Variants in ERC2 observed in about 807,000 individuals in gnomAD.
ERC2 encodes ELKS/RAB6-interacting/CAST family member 2, also known as ERC protein 2.
A neutral mutation model predicts 114.8 loss-of-function variants in ERC2; 42 were observed. The ratio of observed to expected loss-of-function variants is 0.37; its 90% CI spans 0.29 to 0.47. ERC2 has a LOEUF of 0.47. ERC2 is among the 20% of genes least tolerant of loss of function. The pLI is 0.99. For synonymous variants in ERC2, 454 were observed against 425.5 expected (o/e 1.07, Z -0.82); for missense variants, 939 against 1,150.7 (o/e 0.82, Z 2.66).
chr3:55,673,376 A>G (rs1242110318), intron 17 of ERC2, among the ~76,000 whole-genome samples: 1 of 152,156 alleles, frequency 6.6e-6, no homozygotes, highest in Non-Finnish European at 1.5e-5. Flanking sequence ...CGAGGTCGAG[A>G]GATTGAGACC....
At chr3:56,440,550 A>C (rs1272791062) in intron 1 of ERC2, among the ~76,000 whole-genome samples, 1 of 148,808 alleles carries the variant, frequency 6.7e-6, no homozygotes, top group Admixed American at 6.7e-5. Context: ...TCTGTCTCAA[A>C]AAAAAAAAAA....
intron 5 of ERC2, among the ~76,000 whole-genome samples, chr3:56,148,138 A>G (rs377556084): frequency 5.6e-4 from 86 of 152,320 alleles, no homozygotes; most frequent in African/African-American, 1.9e-3. Context: ...GAATCATCAG[A>G]CCAACCCAAT....
chr3:56,123,454 A>G (rs942428390), intron 6 of ERC2, among the ~76,000 whole-genome samples: 1 of 152,160 alleles, frequency 6.6e-6, no homozygotes, highest in Non-Finnish European at 1.5e-5. Context: ...AGGAAAAAAA[A>G]AAATTCTTGC....
chr3:56,144,561 G>C (rs1363141049), intron 5 of ERC2, among the ~76,000 whole-genome samples: 2 of 152,198 alleles, frequency 1.3e-5, no homozygotes, highest in Admixed American at 1.3e-4. Flanking sequence ...TACCACAGTA[G>C]AAAGCCAGTG....
chr3:56,313,590 C>T (rs972847314), intron 2 of ERC2, among the ~76,000 whole-genome samples: 2 of 152,158 alleles, frequency 1.3e-5, no homozygotes, highest in Non-Finnish European at 1.5e-5. Context: ...ATCAAAGCAG[C>T]AACTGTGAAA....
At chr3:55,634,306 C>T (rs1196170895) in intron 17 of ERC2, among the ~76,000 whole-genome samples, 1 of 152,180 alleles carries the variant, frequency 6.6e-6, no homozygotes, top group East Asian at 1.9e-4. Context: ...CACAGACTGC[C>T]TTGAAGCTAC....
intron 14 of ERC2, among the ~76,000 whole-genome samples, chr3:55,882,662 T>G (rs924324241): frequency 6.6e-6 from 1 of 152,222 alleles, no homozygotes; most frequent in East Asian, 1.9e-4. Flanking sequence ...GGAGATGATT[T>G]AAAGCATACA....
intron 9 of ERC2, among the ~76,000 whole-genome samples, chr3:56,009,937 T>C (rs1170150229): frequency 1.3e-5 from 2 of 152,224 alleles, no homozygotes; most frequent in Non-Finnish European, 2.9e-5. Context: ...AAAAATAATA[T>C]GCCAGAAGAG....
intron 14 of ERC2, among the ~76,000 whole-genome samples, chr3:55,879,396 G>GA (rs1433156878): frequency 6.6e-6 from 1 of 152,110 alleles, no homozygotes; most frequent in East Asian, 1.9e-4. Flanking sequence ...GAGGCAGCAT[G>GA]AATCAAGCCC....
intron 15 of ERC2, among the ~76,000 whole-genome samples, chr3:55,724,707 G>C (rs1357582600): frequency 6.6e-6 from 1 of 152,144 alleles, no homozygotes; most frequent in Non-Finnish European, 1.5e-5. Flanking sequence ...TGAAAAGCAA[G>C]GTCTCTGCAC....
chr3:55,600,738 A>G (rs959011625), intron 17 of ERC2, among the ~76,000 whole-genome samples: 2 of 152,174 alleles, frequency 1.3e-5, no homozygotes, highest in Non-Finnish European at 2.9e-5. Context: ...AGAGCAGGGG[A>G]GCTCTGCACA....
chr3:55,522,474 T>C (rs1262681819), intron 17 of ERC2, among the ~76,000 whole-genome samples: 1 of 145,442 alleles, frequency 6.9e-6, no homozygotes, highest in Non-Finnish European at 1.5e-5. Context: ...CTTCCTTCCT[T>C]TCTCCTTTCC....
chr3:55,974,186 G>A (rs1366167329), intron 12 of ERC2, among the ~76,000 whole-genome samples: 1 of 152,218 alleles, frequency 6.6e-6, no homozygotes, highest in Non-Finnish European at 1.5e-5. Context: ...GGAGGAAGAT[G>A]CTACATCTTG....
At chr3:55,911,689 G>C (rs2149364523) in intron 13 of ERC2, among the ~76,000 whole-genome samples, 1 of 152,314 alleles carries the variant, frequency 6.6e-6, no homozygotes, top group Non-Finnish European at 1.5e-5. Flanking sequence ...GTTCTCATAT[G>C]TTAGAGGGAA....
At chr3:55,543,415 G>C (rs1314669244) in intron 17 of ERC2, among the ~76,000 whole-genome samples, 1 of 152,166 alleles carries the variant, frequency 6.6e-6, no homozygotes, top group Non-Finnish European at 1.5e-5. Flanking sequence ...CCCACGTGGG[G>C]GATGTTCTCA....
At chr3:55,533,487 C>T (rs1322946234) in intron 17 of ERC2, among the ~76,000 whole-genome samples, 1 of 152,244 alleles carries the variant, frequency 6.6e-6, no homozygotes, top group Admixed American at 6.5e-5. Flanking sequence ...TCCACACTAC[C>T]TCCCTGTAAG....
intron 3 of ERC2, among the ~76,000 whole-genome samples, chr3:56,204,517 T>TTTTATTTTATTTTAC (rs2048596689): frequency 6.6e-6 from 1 of 151,602 alleles, no homozygotes. Context: ...TTTTATTTTA[T>TTTTATTTTATTTTAC]TTTTTGAGAC....
intron 7 of ERC2, among the ~76,000 whole-genome samples, chr3:56,020,885 T>C (rs1056890088): frequency 6.6e-6 from 1 of 152,102 alleles, no homozygotes; most frequent in African/African-American, 2.4e-5. Context: ...CCCTGGGGCC[T>C]CCTCATATAA....
At chr3:55,818,105 CCTTT>C (rs779131388) in intron 14 of ERC2, among the ~76,000 whole-genome samples, 1 of 152,178 alleles carries the variant, frequency 6.6e-6, no homozygotes, top group Non-Finnish European at 1.5e-5. Context: ...TGAAATTCCT[CCTTT>C]CTTTTGGCAA....
Sources: gnomAD v4.1 joint callset for allele counts (sites outside exome capture counted in the v4.1 genomes callset) on GRCh38, gnomAD v4.1.1 for gene constraint, MANE v1.5 for transcripts, NCBI Gene and HGNC (gene_info 2026-07-23, HGNC 2026-07-21) for gene names.